BTBD3: variants seen among roughly 807,000 people sequenced by gnomAD.
BTBD3 encodes BTB/POZ domain-containing protein 3.
BTBD3 carries 14 observed loss-of-function variants against 41.6 expected under a neutral mutation model. The observed-to-expected ratio is 0.34, with a 90% CI of 0.22 to 0.53. The LOEUF is 0.53. BTBD3 is among the 20% of genes least tolerant of loss of function. BTBD3 has a pLI of 0.95. For missense variants in BTBD3, 426 were observed against 654.7 expected, an observed-to-expected ratio of 0.65 and a Z score of 3.81; for synonymous variants, 249 against 233.7, an observed-to-expected ratio of 1.07 and a Z score of -0.60.
chr20:11,908,338 TTA>T (rs1187497031), intron 1 of BTBD3, among the ~76,000 whole-genome samples: 1 of 148,790 alleles, frequency 6.7e-6, no homozygotes, highest in African/African-American at 2.5e-5. Context: ...TTTTTTTTTT[TTA>T]AATAAGGTAC....
At chr20:11,909,523 G>T (rs2056876846) in intron 1 of BTBD3, 1 of 152,080 alleles carries the variant, frequency 6.6e-6, no homozygotes. Context: ...AAGCTACTTT[G>T]TAACTTCATG....
upstream of BTBD3, chr20:11,913,726 C>T (rs1309936500): frequency 6.6e-6 from 1 of 152,158 alleles, no homozygotes; most frequent in East Asian, 1.9e-4. Context: ...CGTTCAGTTT[C>T]AAACCTCATT....
chr20:11,919,504 C>T (rs1222723046), intron 2 of BTBD3: 23 of 1,229,010 alleles, frequency 1.9e-5, no homozygotes, highest in Admixed American at 5.8e-5. Context: ...AATGAGGGGA[C>T]ATGTGCATTA....
At chr20:11,919,858 G>C in intron 3 of BTBD3, 22 bp downstream of exon 3, 2 of 1,597,470 alleles carry the variant, frequency 1.3e-6, no homozygotes, top group Non-Finnish European at 1.7e-6. Flanking sequence ...TCGTGTGTTT[G>C]GAAAGAGTTT....
intron 1 of BTBD3, among the ~76,000 whole-genome samples, chr20:11,902,990 AT>A (rs2056832846): frequency 6.6e-6 from 1 of 152,164 alleles, no homozygotes; most frequent in East Asian, 1.9e-4. Flanking sequence ...CAATATAGTT[AT>A]TGAAAAAAAT....
chr20:11,893,267 G>A (rs2056767276), intron 1 of BTBD3, among the ~76,000 whole-genome samples: 1 of 152,218 alleles, frequency 6.6e-6, no homozygotes, highest in East Asian at 1.9e-4. Flanking sequence ...TAGGATTCCA[G>A]TGATTTTTGA....
At chr20:11,903,348 C>G (rs1257051886) in intron 1 of BTBD3, among the ~76,000 whole-genome samples, 3 of 152,160 alleles carry the variant, frequency 2.0e-5, no homozygotes, top group Non-Finnish European at 1.5e-5. Flanking sequence ...TTGCTACCCC[C>G]AATTCTCCTA....
chr20:11,904,718 G>T (rs2056843305), intron 1 of BTBD3, among the ~76,000 whole-genome samples: 1 of 152,152 alleles, frequency 6.6e-6, no homozygotes, highest in East Asian at 1.9e-4. Context: ...AAGAAAATCT[G>T]GCCTCAAACA....
At chr20:11,902,443 C>T (rs1438884010) in intron 1 of BTBD3, among the ~76,000 whole-genome samples, 1 of 152,146 alleles carries the variant, frequency 6.6e-6, no homozygotes, top group East Asian at 1.9e-4. Flanking sequence ...TCTAGCATCA[C>T]TAATGGCACT....
At chr20:11,913,494 T>C (rs2056901353), upstream of BTBD3, 1 of 152,166 alleles carries the variant, frequency 6.6e-6, no homozygotes, top group African/African-American at 2.4e-5. Flanking sequence ...TTAAAGTAGA[T>C]TAGAAATATG....
intron 1 of BTBD3, among the ~76,000 whole-genome samples, chr20:11,898,698 G>A (rs2056805359): frequency 6.6e-6 from 1 of 152,112 alleles, no homozygotes; most frequent in Admixed American, 6.5e-5. Context: ...TTCCCATAAA[G>A]CAACACATGC....
chr20:11,900,977 C>G (rs1161079819), intron 1 of BTBD3, among the ~76,000 whole-genome samples: 1 of 152,118 alleles, frequency 6.6e-6, no homozygotes, highest in Non-Finnish European at 1.5e-5. Context: ...TCCCAAAGTG[C>G]TGGGATTACA....
chr20:11,920,838 A>G (rs1165659957), intron 3 of BTBD3, among the ~76,000 whole-genome samples: 1 of 152,216 alleles, frequency 6.6e-6, no homozygotes, highest in African/African-American at 2.4e-5. Flanking sequence ...ATGTTGCCAT[A>G]CATTGTTTAC....
chr20:11,902,517 A>G (rs1425272196), intron 1 of BTBD3, among the ~76,000 whole-genome samples: 3 of 152,218 alleles, frequency 2.0e-5, no homozygotes, highest in Middle Eastern at 3.2e-3. Context: ...TGAGAAATGC[A>G]CAAGAACCAC....
intron 1 of BTBD3, among the ~76,000 whole-genome samples, chr20:11,900,753 G>A (rs1184744548): frequency 6.7e-6 from 1 of 148,802 alleles, no homozygotes; most frequent in East Asian, 2.0e-4. Context: ...TGTCGCCCAG[G>A]CTGGAGTGCA....
chr20:11,891,188 G>GT (rs2056750777), intron 1 of BTBD3: 1 of 160,654 alleles, frequency 6.2e-6, no homozygotes, highest in Admixed American at 6.6e-5. Flanking sequence ...GGGGGGGGGG[G>GT]TCCCAGTGGG....
At chr20:11,905,741 C>T (rs1456562225) in intron 1 of BTBD3, among the ~76,000 whole-genome samples, 1 of 152,156 alleles carries the variant, frequency 6.6e-6, no homozygotes, top group East Asian at 1.9e-4. Context: ...CAGAGCCAGA[C>T]TATGGAGCCA....
At position 11,924,065 on chromosome 20, in the gene BTBD3, A is replaced by G. The variant is rs557828476; in HGVS notation, c.*399A>G. ...ATAACAAGAGTTATTTTTAAACAGAACTCCTCTTACCCCCCAAAACAGATA... is the reference window on the plus strand; with the variant it reads ...ATAACAAGAGTTATTTTTAAACAGAGCTCCTCTTACCCCCCAAAACAGATA... On this transcript the variant is annotated 3_prime_UTR_variant, in exon 4 of 4. Transcript: ENST00000378226. The G allele has an allele frequency of 6.4e-4, 106 of 164,786 alleles. No homozygotes were observed. The highest frequency in any genetic ancestry group is 1.1e-3 in the Non-Finnish European group (84 of 75,952). 10.2% of individuals were successfully genotyped at this position (164,786 alleles called of 1,614,324 possible). A position where few individuals can be genotyped will look rare whatever the true frequency, so the allele number is the denominator to read the frequency against.
At chr20:11,907,445 T>A (rs574210610) in intron 1 of BTBD3, among the ~76,000 whole-genome samples, 24 of 152,326 alleles carry the variant, frequency 1.6e-4, no homozygotes, top group African/African-American at 5.8e-4. Flanking sequence ...ACAAGTGTGA[T>A]CTGGAGTTCT....
Sources: allele counts gnomAD v4.1 joint callset (sites outside exome capture counted in the v4.1 genomes callset), GRCh38; gene constraint gnomAD v4.1.1; transcripts MANE v1.5; gene names NCBI Gene and HGNC (gene_info 2026-07-23, HGNC 2026-07-21).